The following R3HCC1L variants were observed in gnomAD, a reference collection of about 807,000 sequenced individuals.
R3HCC1L encodes R3H domain and coiled-coil containing 1 like.
R3HCC1L carries 51 observed loss-of-function variants against 59.9 expected under a neutral mutation model. The ratio of observed to expected loss-of-function variants is 0.85; its 90% CI spans 0.68 to 1.07. The LOEUF (loss-of-function observed/expected upper bound fraction) is 1.07. R3HCC1L is among the 50% of genes least tolerant of loss of function. The probability of loss-of-function intolerance (pLI) is 0.00; values close to 1 mark genes in which losing one functional copy is unlikely to be tolerated. For missense variants in R3HCC1L, 965 were observed against 933.0 expected (o/e 1.03, Z -0.45); for synonymous variants, 322 against 315.2 (o/e 1.02, Z -0.23).
chr10:98,241,197 A>C (rs1473789652), intron 9 of R3HCC1L, among the ~76,000 whole-genome samples: 1 of 152,148 alleles, frequency 6.6e-6, no homozygotes, highest in Non-Finnish European at 1.5e-5. Context: ...GATTCGTTTG[A>C]CCAGACGCGT....
intron 1 of R3HCC1L, among the ~76,000 whole-genome samples, chr10:98,136,459 A>G (rs952888073): frequency 3.3e-5 from 5 of 152,190 alleles, no homozygotes; most frequent in Non-Finnish European, 5.9e-5. Context: ...TGGGACCCCA[A>G]TCTAAACATG....
intron 4 of R3HCC1L, among the ~76,000 whole-genome samples, chr10:98,201,350 C>T (rs879588021): frequency 1.3e-4 from 20 of 152,252 alleles, no homozygotes; most frequent in Admixed American, 5.9e-4. Flanking sequence ...TTTTGCATAT[C>T]ATTTGAAGAG....
chr10:98,194,222 A>G (rs10786401), intron 4 of R3HCC1L, among the ~76,000 whole-genome samples: 60,498 of 151,942 alleles, frequency 0.4, 12,614 homozygotes, highest in South Asian at 0.57. Context: ...AAGACTACAC[A>G]ATGGAAAAAA....
At chr10:98,231,756 A>C in intron 6 of R3HCC1L, 69 bp downstream of exon 6, 1 of 1,404,324 alleles carries the variant, frequency 7.1e-7, no homozygotes, top group Non-Finnish European at 9.6e-7. Context: ...TTTTCTGAGA[A>C]ATCATCTCTT....
chr10:98,180,903 T>C (rs1385554160), intron 4 of R3HCC1L, among the ~76,000 whole-genome samples: 1 of 152,202 alleles, frequency 6.6e-6, no homozygotes, highest in African/African-American at 2.4e-5. Context: ...ATTTGCTTGG[T>C]AGATCTTCCT....
At chr10:98,159,224 GCAAAGTATTGTTA>G (rs1172618496) in intron 2 of R3HCC1L, among the ~76,000 whole-genome samples, 2 of 152,110 alleles carry the variant, frequency 1.3e-5, no homozygotes, top group Non-Finnish European at 2.9e-5. Context: ...CAGGAATACC[GCAAAGTATTGTTA>G]TGCTTTTACA....
At chr10:98,177,709 TA>T (rs1849181162) in intron 4 of R3HCC1L, among the ~76,000 whole-genome samples, 1 of 152,188 alleles carries the variant, frequency 6.6e-6, no homozygotes, top group Admixed American at 6.5e-5. Context: ...CCTGACTTTT[TA>T]ACGATCGCCA....
At chr10:98,169,447 T>C (rs1848295408) in intron 4 of R3HCC1L, among the ~76,000 whole-genome samples, 1 of 152,250 alleles carries the variant, frequency 6.6e-6, no homozygotes, top group Non-Finnish European at 1.5e-5. Flanking sequence ...GTATATACAA[T>C]GTTTACCACA....
chr10:98,204,040 G>C (rs1464241012), intron 4 of R3HCC1L, among the ~76,000 whole-genome samples: 1 of 152,186 alleles, frequency 6.6e-6, no homozygotes, highest in African/African-American at 2.4e-5. Context: ...AATGGATTCT[G>C]TCCAGTTAAG....
intron 5 of R3HCC1L, among the ~76,000 whole-genome samples, chr10:98,219,648 C>T (rs1854634892): frequency 6.6e-6 from 1 of 152,176 alleles, no homozygotes; most frequent in Non-Finnish European, 1.5e-5. Flanking sequence ...CATCCTTTCA[C>T]TTCCAGGTGT....
At chr10:98,183,419 C>G (rs1462811505) in intron 4 of R3HCC1L, among the ~76,000 whole-genome samples, 1 of 149,108 alleles carries the variant, frequency 6.7e-6, no homozygotes, top group Non-Finnish European at 1.5e-5. Context: ...TATAATGTGT[C>G]TAATTGTGGA....
chr10:98,222,345 T>C (rs1331116689), intron 5 of R3HCC1L, among the ~76,000 whole-genome samples: 10 of 152,146 alleles, frequency 6.6e-5, no homozygotes, highest in African/African-American at 2.4e-4. Context: ...TTTGACTTCC[T>C]CTTTTCCTAA....
At chr10:98,214,140 A>C (rs148815373) in intron 5 of R3HCC1L, among the ~76,000 whole-genome samples, 2 of 152,320 alleles carry the variant, frequency 1.3e-5, no homozygotes, top group Non-Finnish European at 2.9e-5. Flanking sequence ...TTTTTTCCTC[A>C]GAATCAGTAT....
chr10:98,136,727 C>T (rs977315140), intron 1 of R3HCC1L, among the ~76,000 whole-genome samples: 1 of 152,010 alleles, frequency 6.6e-6, no homozygotes, highest in Admixed American at 6.5e-5. Context: ...GTCCCAGCTA[C>T]TCGGGAGGCT....
intron 4 of R3HCC1L, among the ~76,000 whole-genome samples, chr10:98,190,475 T>C (rs1466003200): frequency 1.3e-5 from 2 of 152,238 alleles, no homozygotes; most frequent in African/African-American, 2.4e-5. Flanking sequence ...TGTATACTTT[T>C]CTGACATTGA....
intron 1 of R3HCC1L, among the ~76,000 whole-genome samples, chr10:98,155,452 T>C (rs1396036049): frequency 6.6e-6 from 1 of 152,192 alleles, no homozygotes; most frequent in Admixed American, 6.5e-5. Flanking sequence ...AAGGAAACTT[T>C]TTCTGTAGGA....
chr10:98,159,863 C>G (rs956151845), intron 2 of R3HCC1L, among the ~76,000 whole-genome samples: 7 of 152,158 alleles, frequency 4.6e-5, no homozygotes, highest in Non-Finnish European at 8.8e-5. Context: ...AGTCTGGACT[C>G]TAGATGTCCT....
intron 1 of R3HCC1L, among the ~76,000 whole-genome samples, chr10:98,140,093 G>A (rs1334221214): frequency 6.6e-6 from 1 of 151,944 alleles, no homozygotes; most frequent in Non-Finnish European, 1.5e-5. Context: ...TATCACATTT[G>A]TCTCTTAGAA....
chr10:98,179,274 G>A (rs544583727), intron 4 of R3HCC1L, among the ~76,000 whole-genome samples: 1 of 152,186 alleles, frequency 6.6e-6, no homozygotes, highest in Non-Finnish European at 1.5e-5. Flanking sequence ...TAGCATGAAA[G>A]GTTGTTGAAT....
Sources: allele counts gnomAD v4.1 joint callset (sites outside exome capture counted in the v4.1 genomes callset), GRCh38; gene constraint gnomAD v4.1.1; transcripts MANE v1.5; gene names NCBI Gene and HGNC (gene_info 2026-07-23, HGNC 2026-07-21).